The following RORA variants were observed in gnomAD, a reference collection of about 807,000 sequenced individuals.
RORA encodes the protein nuclear receptor ROR-alpha.
A neutral mutation model predicts 69.5 loss-of-function variants in RORA; 7 were observed. That is an observed-to-expected ratio of 0.10 (90% CI 0.06 to 0.19). The LOEUF is 0.19. Ranked by LOEUF, RORA falls within the 10% of genes least tolerant of loss-of-function variation. The pLI, the probability that RORA is intolerant of heterozygous loss-of-function variation, is 1.00. For missense variants in RORA, 457 were observed against 663.0 expected (o/e 0.69, Z 3.41); for synonymous variants, 261 against 240.8 (o/e 1.08, Z -0.78).
At chr15:60,587,176 T>C (rs899610942) in intron 2 of RORA, among the ~76,000 whole-genome samples, 1 of 152,202 alleles carries the variant, frequency 6.6e-6, no homozygotes, top group African/African-American at 2.4e-5. Flanking sequence ...TCTGTATTCT[T>C]GGGGAAAATA....
chr15:60,976,850 T>TGCAGCAGCAACA, intron 1 of RORA, among the ~76,000 whole-genome samples: 1 of 152,316 alleles, frequency 6.6e-6, no homozygotes, highest in Middle Eastern at 3.4e-3. Flanking sequence ...ACCCACCACC[T>TGCAGCAGCAACA]GCAGCAGCAA....
rs3053963 is a variant in RORA, at chr15:61,053,848, G to GATATATATATATATATATAT, written c.166+175204_166+175205insATATATATATATATATATAT. Among the ~76,000 whole-genome samples the GATATATATATATATATATAT allele has an allele frequency of 8.1e-3, 734 of 90,906 alleles. 103 individuals carry two copies. Among genetic ancestry groups the GATATATATATATATATATAT allele is most frequent in the East Asian group, 0.04 (105 of 2,652 alleles). 59.6% of individuals were successfully genotyped at this position (90,906 alleles called of 152,430 possible). On this transcript the variant is annotated intron_variant, in intron 1 of 10. Coordinates refer to ENST00000335670, the MANE Select transcript of RORA (RefSeq NM_134261.3). The stretch of plus-strand genomic sequence containing the variant: ...AGCATGAAGAGTGTTTAGACTTCAT[G>GATATATATATATATATATAT]ATATATATATATATAAACATTCTTC...
Position 60,494,409 on chromosome 15 carries a change from A to G in RORA, c.*3046T>C, listed in dbSNP as rs955379708. The G allele has an allele frequency of 7.2e-5, 11 of 152,236 alleles. No individual in the cohort carries two copies. Among genetic ancestry groups the G allele is most frequent in the Non-Finnish European group, 1.5e-5 (1 of 68,040 alleles). 9.4% of individuals were successfully genotyped at this position (152,236 alleles called of 1,614,324 possible). A position where few individuals can be genotyped will look rare whatever the true frequency, so the allele number is the denominator to read the frequency against. ...CGGGGCTGACAGTGATGTGGTTCCA[A>G]TCCTTAAAAGACTATTGGAGACTGA... On this transcript the variant is annotated 3_prime_UTR_variant, in exon 11 of 11. Transcript: ENST00000335670.
At chr15:61,011,248 C>T (rs942762845) in intron 1 of RORA, among the ~76,000 whole-genome samples, 1 of 152,122 alleles carries the variant, frequency 6.6e-6, no homozygotes, top group Non-Finnish European at 1.5e-5. Flanking sequence ...TTCCTTGATC[C>T]ATTCTCTCAT....
At chr15:61,117,382 G>GT (rs1327785507) in intron 1 of RORA, among the ~76,000 whole-genome samples, 1 of 152,058 alleles carries the variant, frequency 6.6e-6, no homozygotes, top group Non-Finnish European at 1.5e-5. Context: ...ATTTTAATGT[G>GT]TAGATATTAA....
At chr15:60,968,913 T>C (rs1196327323) in intron 1 of RORA, among the ~76,000 whole-genome samples, 1 of 152,238 alleles carries the variant, frequency 6.6e-6, no homozygotes, top group Non-Finnish European at 1.5e-5. Context: ...TTGTCATGTC[T>C]CTTCTTCCTC....
intron 2 of RORA, among the ~76,000 whole-genome samples, chr15:60,656,032 AC>A (rs1394017908): frequency 6.6e-6 from 1 of 152,230 alleles, no homozygotes; most frequent in East Asian, 1.9e-4. Flanking sequence ...TTTCTACCAA[AC>A]TGGAGAAATT....
At chr15:60,761,426 C>T (rs2071888285) in intron 1 of RORA, among the ~76,000 whole-genome samples, 1 of 152,122 alleles carries the variant, frequency 6.6e-6, no homozygotes, top group Non-Finnish European at 1.5e-5. Context: ...GCATTACAAA[C>T]ATCAATTATC....
intron 2 of RORA, among the ~76,000 whole-genome samples, chr15:60,602,895 T>C (rs1375264817): frequency 6.6e-6 from 1 of 152,166 alleles, no homozygotes; most frequent in Non-Finnish European, 1.5e-5. Flanking sequence ...AGAACAGTTC[T>C]ATTCCCCTCT....
At chr15:60,928,128 A>G (rs1294243043) in intron 1 of RORA, among the ~76,000 whole-genome samples, 1 of 152,182 alleles carries the variant, frequency 6.6e-6, no homozygotes, top group African/African-American at 2.4e-5. Context: ...TGCCCTGCCC[A>G]TATCTTTTCC....
rs118137089 is a variant in RORA, at chr15:60,703,546, C to G, written c.167-24860G>C. On this transcript the variant is annotated intron_variant, in intron 1 of 10. Coordinates refer to ENST00000335670, the MANE Select transcript of RORA (RefSeq NM_134261.3). ...TCCCACTGTCTGATCAGCAGTGGAT[C>G]TAAGGTGGGAGGGTGTGCAGCTTAG... Among the ~76,000 whole-genome samples the G allele has an allele frequency of 8.7e-3, 1,319 of 152,284 alleles. 10 individuals carry two copies. The highest frequency in any genetic ancestry group is 0.037 in the Middle Eastern group (11 of 294).
intron 1 of RORA, among the ~76,000 whole-genome samples, chr15:61,080,629 T>C (rs1358233932): frequency 6.6e-6 from 1 of 152,208 alleles, no homozygotes; most frequent in Non-Finnish European, 1.5e-5. Context: ...GAGGAATGGC[T>C]GCAGTGTCAC....
chr15:60,711,615 T>A (rs999107132), intron 1 of RORA, among the ~76,000 whole-genome samples: 11 of 152,316 alleles, frequency 7.2e-5, no homozygotes, highest in African/African-American at 2.6e-4. Context: ...GAGGGTCTCC[T>A]TCCTCTGTCT....
intron 1 of RORA, among the ~76,000 whole-genome samples, chr15:60,850,413 T>C (rs1734978450): frequency 6.6e-6 from 1 of 151,844 alleles, no homozygotes; most frequent in South Asian, 2.1e-4. Context: ...AAGCGGGGGG[T>C]CAGATGGTAC....
At chr15:60,747,819 C>T (rs186888641) in intron 1 of RORA, among the ~76,000 whole-genome samples, 97 of 152,150 alleles carry the variant, frequency 6.4e-4, no homozygotes, top group Middle Eastern at 3.4e-3. Flanking sequence ...CTTGTTTCTA[C>T]GCCTCTATTT....
At chr15:60,615,121 AC>A (rs1450415050) in intron 2 of RORA, 8 of 1,497,706 alleles carry the variant, frequency 5.3e-6, no homozygotes, top group Non-Finnish European at 7.3e-6. Flanking sequence ...ATCCACAGCC[AC>A]CCAAGTCCTA....
rs185206373 is a variant in RORA, at chr15:60,947,880, G to C, written c.167-269194C>G. Among the ~76,000 whole-genome samples the C allele has an allele frequency of 4.1e-3, 631 of 152,204 alleles. 5 individuals carry two copies. Among genetic ancestry groups the C allele is most frequent in the African/African-American group, 0.014 (591 of 41,508 alleles). Reference sequence around the variant, plus strand: ...GGCATCATTAACAGGCAGGGCATGGGGCCTTGGGGCCTCAGGGGCAGCTAT... The same window carrying C: ...GGCATCATTAACAGGCAGGGCATGGCGCCTTGGGGCCTCAGGGGCAGCTAT... On this transcript the variant is annotated intron_variant, in intron 1 of 10. Coordinates refer to ENST00000335670, the MANE Select transcript of RORA (RefSeq NM_134261.3).
intron 1 of RORA, among the ~76,000 whole-genome samples, chr15:60,934,557 C>G (rs995323622): frequency 1.3e-5 from 2 of 152,042 alleles, no homozygotes; most frequent in African/African-American, 4.8e-5. Context: ...CTGGTCTGGT[C>G]TTGAACTACT....
intron 1 of RORA, among the ~76,000 whole-genome samples, chr15:61,095,549 G>A (rs1432530577): frequency 1.3e-5 from 2 of 152,192 alleles, no homozygotes; most frequent in Non-Finnish European, 2.9e-5. Context: ...TCTGCGGGCT[G>A]GGCCCTGGTG....
Sources: gnomAD v4.1 joint callset for allele counts (sites outside exome capture counted in the v4.1 genomes callset) on GRCh38, gnomAD v4.1.1 for gene constraint, MANE v1.5 for transcripts, NCBI Gene and HGNC (gene_info 2026-07-23, HGNC 2026-07-21) for gene names.